Variants in PEAK1 observed in about 807,000 individuals in gnomAD.
PEAK1 encodes the protein pseudopodium enriched atypical kinase 1, also known as inactive tyrosine-protein kinase PEAK1.
Under a neutral mutation model 124.7 loss-of-function variants are expected in PEAK1, and 54 were observed. The ratio of observed to expected loss-of-function variants is 0.43; its 90% CI spans 0.35 to 0.54. The LOEUF is 0.54. PEAK1 is among the 20% of genes least tolerant of loss of function. The pLI, the probability that PEAK1 is intolerant of heterozygous loss-of-function variation, is 0.01. For synonymous variants in PEAK1, 719 were observed against 760.0 expected, an observed-to-expected ratio of 0.95 and a Z score of 0.89; for missense variants, 2,046 against 2,134.5, an observed-to-expected ratio of 0.96 and a Z score of 0.82.
At chr15:77,187,105 C>T (rs2057584905) in intron 6 of PEAK1, among the ~76,000 whole-genome samples, 1 of 152,200 alleles carries the variant, frequency 6.6e-6, no homozygotes, top group Admixed American at 6.5e-5. Context: ...ATAAGAAAAG[C>T]TCATTTACCT....
At chr15:77,152,824 T>C (rs1034659575) in intron 8 of PEAK1, among the ~76,000 whole-genome samples, 18 of 152,198 alleles carry the variant, frequency 1.2e-4, no homozygotes, top group African/African-American at 4.1e-4. Flanking sequence ...CAGCCTTGCA[T>C]CCCAGGGATG....
At chr15:77,332,833 A>G (rs1328140494) in intron 2 of PEAK1, among the ~76,000 whole-genome samples, 1 of 151,740 alleles carries the variant, frequency 6.6e-6, no homozygotes, top group Admixed American at 6.6e-5. Context: ...TTATCAGTAG[A>G]TTTTAAAAGG....
intron 2 of PEAK1, among the ~76,000 whole-genome samples, chr15:77,362,983 G>A (rs2067994334): frequency 6.6e-6 from 1 of 152,004 alleles, no homozygotes; most frequent in African/African-American, 2.4e-5. Flanking sequence ...AGCCTCCCAA[G>A]TAGCTGGGAT....
chr15:77,325,351 T>A (rs974698877), intron 2 of PEAK1, among the ~76,000 whole-genome samples: 4 of 151,908 alleles, frequency 2.6e-5, no homozygotes, highest in African/African-American at 9.7e-5. Flanking sequence ...TAGGCTACAG[T>A]GAGCTTTGAT....
intron 5 of PEAK1, among the ~76,000 whole-genome samples, chr15:77,253,049 CCTATTT>C (rs1315193954): frequency 6.6e-6 from 1 of 152,010 alleles, no homozygotes; most frequent in Non-Finnish European, 1.5e-5. Flanking sequence ...TACATGTCTA[CCTATTT>C]CTGATTCTTG....
chr15:77,185,179 C>T (rs1252029588), intron 6 of PEAK1, among the ~76,000 whole-genome samples: 1 of 152,174 alleles, frequency 6.6e-6, no homozygotes, highest in Non-Finnish European at 1.5e-5. Context: ...GAGCCATTTA[C>T]TGAGATGACA....
chr15:77,407,892 TATATATATACACATATATATAC>T (rs1386970392), intron 1 of PEAK1, among the ~76,000 whole-genome samples: 38 of 138,302 alleles, frequency 2.7e-4, no homozygotes, highest in Admixed American at 1.5e-3. Context: ...GATATATATA[TATATATATACACATATATATAC>T]ACATATATAC....
intron 9 of PEAK1, among the ~76,000 whole-genome samples, chr15:77,125,767 C>T (rs1000351604): frequency 4.6e-5 from 7 of 152,340 alleles, no homozygotes; most frequent in Admixed American, 2.0e-4. Flanking sequence ...GTACTTGCTA[C>T]AAATGCAGTT....
intron 5 of PEAK1, among the ~76,000 whole-genome samples, chr15:77,279,261 TGA>T (rs1296913056): frequency 1.3e-5 from 2 of 152,152 alleles, no homozygotes; most frequent in African/African-American, 4.8e-5. Context: ...CTTCTAGCTT[TGA>T]GAGACTTCTT....
intron 5 of PEAK1, among the ~76,000 whole-genome samples, chr15:77,263,573 A>T (rs2061553996): frequency 6.6e-6 from 1 of 152,200 alleles, no homozygotes; most frequent in African/African-American, 2.4e-5. Context: ...TGAATCTCTG[A>T]ATAGACCAAT....
rs199501538 is a variant in PEAK1 at position 77,115,039 on chromosome 15, T to C, written c.4358A>G (p.Lys1453Arg). The C allele has an allele frequency of 2.2e-4, 360 of 1,614,144 alleles. 1 individual carries two copies. Among genetic ancestry groups the C allele is most frequent in the African/African-American group, 1.3e-3 (94 of 75,046 alleles). The change falls in exon 10 of 10, where the codon AAG becomes AGG. Residue 1453 changes from lysine (K) to arginine (R), a missense_variant. Lys to Arg is a conservative substitution (Grantham distance 26, BLOSUM62 2). Coordinates refer to ENST00000682557, the MANE Select transcript of PEAK1 (RefSeq NM_001385026.1). ...SQKENQGVMS[K>R]KQRSHVVVIT... ...GACCACAACGTGGCTCCTCTGCTTC[T>C]TGCTCATGACTCCCTGATTCTCTTT... is the stretch of plus-strand genomic sequence containing the variant.
chr15:77,230,637 C>G (rs2059870744), intron 6 of PEAK1, among the ~76,000 whole-genome samples: 1 of 152,064 alleles, frequency 6.6e-6, no homozygotes, highest in Non-Finnish European at 1.5e-5. Flanking sequence ...GTGGCTCATA[C>G]CTGTAATCCC....
At chr15:77,260,721 C>A (rs1029747269) in intron 5 of PEAK1, among the ~76,000 whole-genome samples, 2 of 152,138 alleles carry the variant, frequency 1.3e-5, no homozygotes, top group Admixed American at 1.3e-4. Context: ...CCAGCGTGAG[C>A]GACACAGAAG....
intron 6 of PEAK1, among the ~76,000 whole-genome samples, chr15:77,248,472 G>A (rs1003042512): frequency 6.6e-6 from 1 of 152,178 alleles, no homozygotes; most frequent in Non-Finnish European, 1.5e-5. Flanking sequence ...TTGAGGTGGA[G>A]CCTTTGGCAG....
intron 2 of PEAK1, among the ~76,000 whole-genome samples, chr15:77,330,649 G>C (rs2065838058): frequency 6.6e-6 from 1 of 152,136 alleles, no homozygotes; most frequent in African/African-American, 2.4e-5. Flanking sequence ...TCTTACCCCA[G>C]ATGTAAACAT....
intron 1 of PEAK1, chr15:77,404,769 G>A: frequency 1.0e-6 from 1 of 966,422 alleles, no homozygotes; most frequent in Middle Eastern, 5.3e-4. Context: ...CAGAAAAAAA[G>A]AGCAGGTTAT....
chr15:77,357,978 C>G (rs75002885), intron 2 of PEAK1, among the ~76,000 whole-genome samples: 1,680 of 152,258 alleles, frequency 0.011, 42 homozygotes, highest in African/African-American at 0.038. Flanking sequence ...AGGACCTTGT[C>G]CTCTGCTTCA....
At chr15:77,128,529 C>T (rs984638737) in intron 9 of PEAK1, among the ~76,000 whole-genome samples, 5 of 152,190 alleles carry the variant, frequency 3.3e-5, no homozygotes, top group African/African-American at 7.2e-5. Flanking sequence ...CTATGCAGAG[C>T]CATGGTGGTG....
chr15:77,408,002 CACGT>C, intron 1 of PEAK1, among the ~76,000 whole-genome samples: 1 of 150,862 alleles, frequency 6.6e-6, no homozygotes. Flanking sequence ...CACATACACA[CACGT>C]ACACATATAC....
Sources: gnomAD v4.1 joint callset for allele counts (sites outside exome capture counted in the v4.1 genomes callset) on GRCh38, gnomAD v4.1.1 for gene constraint, MANE v1.5 for transcripts, NCBI Gene and HGNC (gene_info 2026-07-23, HGNC 2026-07-21) for gene names.